The following EPHB2 variants were observed in gnomAD, a reference collection of about 807,000 sequenced individuals.
EPHB2 encodes ephrin type-B receptor 2.
EPHB2 carries 18 observed loss-of-function variants against 96.4 expected under a neutral mutation model. That is an observed-to-expected ratio of 0.19 (90% confidence interval 0.13 to 0.28). The LOEUF (loss-of-function observed/expected upper bound fraction) is 0.28, where lower values mean the gene tolerates loss of function less well. Among genes scored for constraint, EPHB2 ranks in the 10% least tolerant of loss-of-function variants. EPHB2 has a pLI of 1.00. For synonymous variants in EPHB2, 506 were observed against 534.1 expected, an observed-to-expected ratio of 0.95 and a Z score of 0.72; for missense variants, 989 against 1,355.4, an observed-to-expected ratio of 0.73 and a Z score of 4.25.
intron 6 of EPHB2, among the ~76,000 whole-genome samples, chr1:22,891,797 TGTTGTTGTA>T: frequency 8.5e-6 from 1 of 117,956 alleles, no homozygotes. Context: ...TTTTTTTTGT[TGTTGTTGTA>T]TTTTTTTAGA....
Position 22,826,827 on chromosome 1 carries a change from C to G in EPHB2, c.812-36210C>G, listed in dbSNP as rs146581291. Among the ~76,000 whole-genome samples the G allele has an allele frequency of 1.9e-3, 295 of 152,328 alleles. 2 individuals carry two copies. The highest frequency in any genetic ancestry group is 6.7e-3 in the African/African-American group (279 of 41,572). On this transcript the variant is annotated intron_variant, in intron 3 of 15. Coordinates refer to ENST00000374630, the MANE Select transcript of EPHB2 (RefSeq NM_017449.5). ...AGAAATGCTGTCACGCCTGCCTCCCCCAGGACAGCAAGCTCTTCCAGCAAT... is the reference window on the plus strand; with the variant it reads ...AGAAATGCTGTCACGCCTGCCTCCCGCAGGACAGCAAGCTCTTCCAGCAAT...
rs1638810139 is a variant in EPHB2 at position 22,875,538 on chromosome 1, C to T, written c.1304-6821C>T. On this transcript the variant is annotated intron_variant, in intron 5 of 15. Coordinates refer to ENST00000374630, the MANE Select transcript of EPHB2 (RefSeq NM_017449.5). The surrounding 1 kb of genome is among the most constrained non-coding windows in gnomAD (Gnocchi z 4.2). ...TGTTTTAGTGGCCAGCCCACAAGGTCGGTAGACTCGGGTTCCTGAGGGCGC... is the reference window on the plus strand; with the variant it reads ...TGTTTTAGTGGCCAGCCCACAAGGTTGGTAGACTCGGGTTCCTGAGGGCGC... Among the ~76,000 whole-genome samples, 1 of 152,138 alleles carries T rather than the reference C, an allele frequency of 6.6e-6. No individual in the cohort carries two copies. Among genetic ancestry groups the T allele is most frequent in the Admixed American group, 6.5e-5 (1 of 15,276 alleles).
At chr1:22,886,953 G>A (rs1166586528) in intron 6 of EPHB2, among the ~76,000 whole-genome samples, 1 of 152,020 alleles carries the variant, frequency 6.6e-6, no homozygotes, top group Admixed American at 6.6e-5. Context: ...AAAGCCCGGA[G>A]GACCCAGGAA....
chr1:22,817,139 A>C (rs1645086164), intron 3 of EPHB2, among the ~76,000 whole-genome samples: 1 of 152,298 alleles, frequency 6.6e-6, no homozygotes, highest in African/African-American at 2.4e-5. Context: ...AAGAATAAAT[A>C]TAACCAGGCC....
At chr1:22,783,798 G>A (rs575577214) in intron 2 of EPHB2, among the ~76,000 whole-genome samples, 13 of 152,240 alleles carry the variant, frequency 8.5e-5, no homozygotes, top group African/African-American at 2.6e-4. Context: ...AAGGGTGGGC[G>A]GCCTCCCTCC....
Position 22,840,672 on chromosome 1 carries a change from G to A in EPHB2, c.812-22365G>A, listed in dbSNP as rs139931838. 1.1e-3 allele frequency among the ~76,000 whole-genome samples: 165 copies of A among 152,198 alleles called. 1 individual carries two copies. Among genetic ancestry groups the A allele is most frequent in the African/African-American group, 3.9e-3 (161 of 41,530 alleles). The stretch of plus-strand genomic sequence containing the variant: ...GATGGGATCTTGCCATGTTGCCCAG[G>A]TTGGTCTGGAACTCCTGGCCTCAAG... On this transcript the variant is annotated intron_variant, in intron 3 of 15. Coordinates refer to ENST00000374630, the MANE Select transcript of EPHB2 (RefSeq NM_017449.5).
At position 22,915,259 on chromosome 1, in the gene EPHB2, C is replaced by G. The variant is rs1003696842; in HGVS notation, c.*1689C>G. On this transcript the variant is annotated 3_prime_UTR_variant, in exon 16 of 16. Transcript: ENST00000374630. ...CTGGCCACAGACTCCCTCCTGTGAACCAACACAGACACCCAAGCAGAGCAA... is the reference window on the plus strand; with the variant it reads ...CTGGCCACAGACTCCCTCCTGTGAAGCAACACAGACACCCAAGCAGAGCAA... 3 of 152,156 alleles carry G rather than the reference C, an allele frequency of 2.0e-5. No individual in the cohort carries two copies. Among genetic ancestry groups the G allele is most frequent in the African/African-American group, 7.2e-5 (3 of 41,406 alleles). The allele number at this position is 152,156 out of a possible 1,614,324, so 9.4% of individuals were successfully genotyped here.
At chr1:22,727,765 C>T (rs548502709) in intron 1 of EPHB2, among the ~76,000 whole-genome samples, 28 of 149,012 alleles carry the variant, frequency 1.9e-4, no homozygotes, top group African/African-American at 6.9e-4. Flanking sequence ...CCTGTCTTTG[C>T]CTATGTTTTC....
rs980832848 is a variant in EPHB2, at chr1:22,860,196, T to G, written c.812-2841T>G. The stretch of plus-strand genomic sequence containing the variant: ...CACTCCAGAGAGCTAGTTTGGAGAG[T>G]GGGTGGGTGGGAGGAGGCCAGATGG... On this transcript the variant is annotated intron_variant, in intron 3 of 15. Transcript: ENST00000374630. This position sits in a 1 kb window ranked among gnomAD's most constrained non-coding sequence, Gnocchi z 4.6. Among the ~76,000 whole-genome samples, 6 of 149,454 alleles carry G rather than the reference T, an allele frequency of 4.0e-5. No homozygotes were observed. Among genetic ancestry groups the G allele is most frequent in the Admixed American group, 2.7e-4 (4 of 14,978 alleles).
Position 22,858,231 on chromosome 1 carries a change from GGA to G in EPHB2, c.812-4804_812-4803del, listed in dbSNP as rs1485683087. On this transcript the variant is annotated intron_variant, in intron 3 of 15. Coordinates refer to ENST00000374630, the MANE Select transcript of EPHB2 (RefSeq NM_017449.5). This position sits in a 1 kb window ranked among gnomAD's most constrained non-coding sequence, Gnocchi z 7.7. ...GGCAGGAGCGCAGTGAGTGAGAGGAGGAGGGGGAAGCGTCCAGGAGACCATCA... is the reference window on the plus strand; with the variant it reads ...GGCAGGAGCGCAGTGAGTGAGAGGAGGGGGGAAGCGTCCAGGAGACCATCA... Among the ~76,000 whole-genome samples the G allele has an allele frequency of 1.4e-5, 2 of 145,778 alleles. No individual in the cohort carries two copies. Among genetic ancestry groups the G allele is most frequent in the Admixed American group, 6.8e-5 (1 of 14,798 alleles).
chr1:22,864,844 C>T (rs749357521), intron 4 of EPHB2, 33 bp from the exon 5 acceptor site: 3 of 1,441,494 alleles, frequency 2.1e-6, no homozygotes, highest in Non-Finnish European at 2.9e-6. Flanking sequence ...CCCCCTGAGC[C>T]CCCCACTGAC....
At chr1:22,904,950 C>A (rs1239005325) in intron 9 of EPHB2, among the ~76,000 whole-genome samples, 1 of 152,214 alleles carries the variant, frequency 6.6e-6, no homozygotes, top group Non-Finnish European at 1.5e-5. Flanking sequence ...ACTCCTAGAA[C>A]TTCTGCCTCC....
intron 1 of EPHB2, among the ~76,000 whole-genome samples, chr1:22,711,925 G>A (rs1341177166): frequency 6.6e-6 from 1 of 152,236 alleles, no homozygotes; most frequent in Admixed American, 6.5e-5. Context: ...TGCTCTGGAG[G>A]GAAAGTTAGT....
At chr1:22,788,449 C>T (rs907714160) in intron 3 of EPHB2, among the ~76,000 whole-genome samples, 2 of 152,240 alleles carry the variant, frequency 1.3e-5, no homozygotes, top group Non-Finnish European at 2.9e-5. Flanking sequence ...GTGGCCTGTG[C>T]TGCTGTCACC....
chr1:22,898,956 A>G (rs1050417651), intron 9 of EPHB2, among the ~76,000 whole-genome samples: 5 of 152,166 alleles, frequency 3.3e-5, no homozygotes, highest in Non-Finnish European at 5.9e-5. Context: ...TCACGCCTGT[A>G]ATCCCAACAC....
chr1:22,830,288 C>A (rs1645285616), intron 3 of EPHB2, among the ~76,000 whole-genome samples: 1 of 152,160 alleles, frequency 6.6e-6, no homozygotes, highest in South Asian at 2.1e-4. Context: ...TTCGCAGACA[C>A]TGAAGGGGAC....
intron 3 of EPHB2, among the ~76,000 whole-genome samples, chr1:22,807,425 G>A (rs1034803504): frequency 3.3e-5 from 5 of 152,216 alleles, no homozygotes; most frequent in African/African-American, 9.6e-5. Context: ...GGTCAGGCAT[G>A]ACAAGGACAT....
At chr1:22,880,044 G>A (rs1050713365) in intron 5 of EPHB2, among the ~76,000 whole-genome samples, 1 of 152,124 alleles carries the variant, frequency 6.6e-6, no homozygotes, top group Admixed American at 6.5e-5. Flanking sequence ...CTGGTCCCCA[G>A]GCTCATTCTC....
chr1:22,770,099 A>G (rs1296155930), intron 1 of EPHB2, among the ~76,000 whole-genome samples: 2 of 152,048 alleles, frequency 1.3e-5, no homozygotes, highest in African/African-American at 2.4e-5. Flanking sequence ...GGATGGATGG[A>G]TAGGTGAGTG....
Sources: allele counts gnomAD v4.1 joint callset (sites outside exome capture counted in the v4.1 genomes callset), GRCh38; gene constraint gnomAD v4.1.1; non-coding constraint Gnocchi (gnomAD v3.1); transcripts MANE v1.5; gene names NCBI Gene and HGNC (gene_info 2026-07-23, HGNC 2026-07-21).